The following RALYL variants were observed in gnomAD, a reference collection of about 807,000 sequenced individuals.
RALYL encodes the protein RALY RNA binding protein like, also known as RNA-binding Raly-like protein.
In RALYL, 29 loss-of-function variants were observed where a neutral mutation model predicts 35.1. The ratio of observed to expected loss-of-function variants is 0.83; its 90% CI spans 0.61 to 1.13. RALYL has a LOEUF of 1.13. RALYL is among the 50% of genes most tolerant of loss of function. The pLI, the probability that RALYL is intolerant of heterozygous loss-of-function variation, is 0.00. For synonymous variants in RALYL, 120 were observed against 127.6 expected, an observed-to-expected ratio of 0.94 and a Z score of 0.40; for missense variants, 359 against 360.4, an observed-to-expected ratio of 1.00 and a Z score of 0.03.
chr8:84,833,234 G>T (rs1464544377), intron 4 of RALYL, among the ~76,000 whole-genome samples: 1 of 152,110 alleles, frequency 6.6e-6, no homozygotes, highest in East Asian at 1.9e-4. Context: ...TTCTAAAAGT[G>T]CACTGACACA....
intron 8 of RALYL, 98 bp from the exon 9 acceptor site, chr8:84,920,796 G>A: frequency 2.1e-6 from 1 of 465,342 alleles, no homozygotes; most frequent in Non-Finnish European, 3.8e-6. Flanking sequence ...TTCTTCCCCT[G>A]ATCTAACCTT....
intron 2 of RALYL, among the ~76,000 whole-genome samples, chr8:84,714,724 A>C (rs182727534): frequency 5.3e-4 from 81 of 152,026 alleles, no homozygotes; most frequent in African/African-American, 1.4e-3. Context: ...TTGGTTGAGC[A>C]ATATGAAATC....
chr8:84,915,012 A>G (rs1442830440), intron 8 of RALYL, among the ~76,000 whole-genome samples: 1 of 152,086 alleles, frequency 6.6e-6, no homozygotes, highest in Non-Finnish European at 1.5e-5. Flanking sequence ...CAAATCATTC[A>G]TTCTCTGATA....
intron 1 of RALYL, among the ~76,000 whole-genome samples, chr8:84,371,455 G>A (rs1855670574): frequency 6.6e-6 from 1 of 151,800 alleles, no homozygotes; most frequent in Admixed American, 6.6e-5. Context: ...TTATGATTGT[G>A]AGAGTAACAT....
chr8:84,722,781 A>G (rs1485835890), intron 2 of RALYL, among the ~76,000 whole-genome samples: 8 of 150,258 alleles, frequency 5.3e-5, no homozygotes, highest in Non-Finnish European at 3.0e-5. Flanking sequence ...GATACACATA[A>G]CACTAGATAT....
intron 1 of RALYL, among the ~76,000 whole-genome samples, chr8:84,208,438 C>G (rs906801190): frequency 6.6e-5 from 10 of 151,888 alleles, no homozygotes; most frequent in African/African-American, 1.9e-4. Flanking sequence ...TTCACTGTGT[C>G]TGGTAATTTT....
chr8:84,222,642 A>G lies in RALYL; in HGVS notation c.-24+38218A>G, dbSNP rs536727588. ...ACCATTGAAATTTATAAGTAACACT[A>G]TTCTATGGGATTAGGAAAACCTCAC... is the stretch of plus-strand genomic sequence containing the variant. On this transcript the variant is annotated intron_variant, in intron 1 of 8. Coordinates refer to ENST00000521268, the MANE Select transcript of RALYL (RefSeq NM_173848.7). 3.3e-5 allele frequency among the ~76,000 whole-genome samples: 5 copies of G among 152,302 alleles called. No individual in the cohort carries two copies. In the South Asian group the frequency reaches 6.2e-4, roughly 19 times the overall value.
chr8:84,211,366 C>T (rs987770809), intron 1 of RALYL, among the ~76,000 whole-genome samples: 3 of 152,130 alleles, frequency 2.0e-5, no homozygotes, highest in Non-Finnish European at 4.4e-5. Flanking sequence ...TAGCTTTCCA[C>T]TCGCAGCTTG....
At position 84,765,834 on chromosome 8, in the gene RALYL, T is replaced by C. The variant is rs561662251; in HGVS notation, c.257-8745T>C. 2.7e-3 allele frequency among the ~76,000 whole-genome samples: 217 copies of C among 81,416 alleles called. 6 individuals are homozygous for C. The South Asian group carries it at 0.059, about 22-fold the overall frequency. The allele number at this position is 81,416 out of a possible 152,430, so 53.4% of individuals were successfully genotyped here. A position where few individuals can be genotyped will look rare whatever the true frequency, so the allele number is the denominator to read the frequency against. On this transcript the variant is annotated intron_variant, in intron 2 of 8. Transcript: ENST00000521268. The stretch of plus-strand genomic sequence containing the variant: ...TATTTAGACTTCTATTTAAACCTGA[T>C]GAGGAAAAAAAAAAAACCCTAAGAA...
chr8:84,298,671 ATTCT>A (rs1219890293), intron 1 of RALYL, among the ~76,000 whole-genome samples: 1 of 152,034 alleles, frequency 6.6e-6, no homozygotes. Context: ...AGCAGTATTG[ATTCT>A]TTCTGTTCAT....
At chr8:84,841,014 T>C (rs1031761716) in intron 4 of RALYL, among the ~76,000 whole-genome samples, 1 of 152,096 alleles carries the variant, frequency 6.6e-6, no homozygotes, top group Admixed American at 6.6e-5. Context: ...TGCAAAAACA[T>C]GTCAAATTGT....
intron 2 of RALYL, among the ~76,000 whole-genome samples, chr8:84,649,434 A>C (rs1041839836): frequency 4.6e-5 from 7 of 151,692 alleles, no homozygotes; most frequent in Admixed American, 3.3e-4. Flanking sequence ...TAAGTCTTTA[A>C]TCCATCTTGA....
At chr8:84,808,731 G>A (rs1825243322) in intron 4 of RALYL, among the ~76,000 whole-genome samples, 1 of 152,018 alleles carries the variant, frequency 6.6e-6, no homozygotes, top group African/African-American at 2.4e-5. Context: ...TCCTTGGTTA[G>A]GTATATTCCT....
intron 1 of RALYL, among the ~76,000 whole-genome samples, chr8:84,218,313 G>C (rs1208961777): frequency 6.6e-6 from 1 of 151,936 alleles, no homozygotes; most frequent in Non-Finnish European, 1.5e-5. Flanking sequence ...CAGAAATATT[G>C]CCCAAGTGAT....
chr8:84,434,677 C>T (rs2047510510), intron 1 of RALYL, among the ~76,000 whole-genome samples: 1 of 152,086 alleles, frequency 6.6e-6, no homozygotes, highest in South Asian at 2.1e-4. Context: ...TGTTTTCCAA[C>T]CTGATAATTT....
chr8:84,610,545 A>G (rs1818081337), intron 2 of RALYL, among the ~76,000 whole-genome samples: 1 of 152,074 alleles, frequency 6.6e-6, no homozygotes, highest in Admixed American at 6.6e-5. Flanking sequence ...TTCCACTGTA[A>G]TGTTATTCTT....
intron 1 of RALYL, among the ~76,000 whole-genome samples, chr8:84,359,879 T>TA (rs1852603280): frequency 7.9e-6 from 1 of 126,452 alleles, no homozygotes; most frequent in Non-Finnish European, 1.8e-5. Context: ...AAAAATATCA[T>TA]GTTTTTTTTT....
rs1321050935 is a variant in RALYL, at chr8:84,342,024, G to A, written c.-24+157600G>A. 3.3e-5 allele frequency among the ~76,000 whole-genome samples: 5 copies of A among 151,472 alleles called. No homozygotes were observed. The East Asian group carries it at 7.8e-4, about 24-fold the overall frequency. ...AAGATTAGATGCATTATTATCATTT[G>A]CATTATGATAAAATAGGCAAGAAAA... On this transcript the variant is annotated intron_variant, in intron 1 of 8. Coordinates refer to ENST00000521268, the MANE Select transcript of RALYL (RefSeq NM_173848.7).
At chr8:84,665,159 C>A (rs1344624660) in intron 2 of RALYL, among the ~76,000 whole-genome samples, 2 of 151,510 alleles carry the variant, frequency 1.3e-5, no homozygotes, top group Admixed American at 6.6e-5. Flanking sequence ...ACCAACCTTG[C>A]ATGAAGTCTC....
Sources: allele counts gnomAD v4.1 joint callset (sites outside exome capture counted in the v4.1 genomes callset), GRCh38; gene constraint gnomAD v4.1.1; transcripts MANE v1.5; gene names NCBI Gene and HGNC (gene_info 2026-07-23, HGNC 2026-07-21).